AIM2: variants seen among roughly 807,000 people sequenced by gnomAD.
AIM2 encodes interferon-inducible protein AIM2.
AIM2 carries 30 observed loss-of-function variants against 27.7 expected under a neutral mutation model. The observed-to-expected ratio is 1.08, with a 90% CI of 0.81 to 1.47. The LOEUF is 1.47. AIM2 is among the 40% of genes most tolerant of loss of function. AIM2 has a pLI of 0.00. For missense variants in AIM2, 358 were observed against 411.3 expected (o/e 0.87, Z 1.12); for synonymous variants, 141 against 145.3 (o/e 0.97, Z 0.21).
At chr1:159,098,222 T>G (rs1657220698) in intron 1 of AIM2, among the ~76,000 whole-genome samples, 1 of 152,082 alleles carries the variant, frequency 6.6e-6, no homozygotes, top group African/African-American at 2.4e-5. Context: ...AGACACACAA[T>G]CTACAGATTA....
chr1:159,105,918 G>T (rs149252621), intron 1 of AIM2, among the ~76,000 whole-genome samples: 1 of 152,108 alleles, frequency 6.6e-6, no homozygotes, highest in Admixed American at 6.5e-5. Context: ...GCCATCCTTG[G>T]TTTGAAGATG....
intron 1 of AIM2, among the ~76,000 whole-genome samples, chr1:159,119,340 G>T (rs1187065835): frequency 6.6e-5 from 10 of 151,936 alleles, no homozygotes; most frequent in Admixed American, 6.6e-4. Flanking sequence ...TAAGGAGTTG[G>T]TGTACTAATA....
chr1:159,102,923 C>T (rs774116480), intron 1 of AIM2, among the ~76,000 whole-genome samples: 1 of 152,094 alleles, frequency 6.6e-6, no homozygotes, highest in Non-Finnish European at 1.5e-5. Flanking sequence ...TGAGTTAAGA[C>T]TTTGGGGGAC....
upstream of AIM2, among the ~76,000 whole-genome samples, chr1:159,077,797 T>C (rs775587191): frequency 1.3e-5 from 2 of 152,138 alleles, no homozygotes; most frequent in Non-Finnish European, 2.9e-5. Context: ...TTACTTGAGG[T>C]TTTCCTTTCT....
At chr1:159,109,707 A>G (rs1657525160) in intron 1 of AIM2, among the ~76,000 whole-genome samples, 1 of 150,676 alleles carries the variant, frequency 6.6e-6, no homozygotes. Flanking sequence ...ACTCAAACAA[A>G]TCAACAAGAA....
chr1:159,145,106 A>T (rs1340927115), upstream of AIM2, among the ~76,000 whole-genome samples: 1 of 152,128 alleles, frequency 6.6e-6, no homozygotes, highest in Non-Finnish European at 1.5e-5. Flanking sequence ...CTAAGGAGCT[A>T]GCCCAGGTCT....
chr1:159,066,609 T>C (rs1656113873), intron 3 of AIM2, among the ~76,000 whole-genome samples: 1 of 152,220 alleles, frequency 6.6e-6, no homozygotes, highest in Non-Finnish European at 1.5e-5. Flanking sequence ...CCATGTACTA[T>C]ATATAAAGAC....
Position 159,063,531 on chromosome 1 carries a change from A to AT in AIM2, c.959dup (p.Asn320LysfsTer13), listed in dbSNP as rs752653022. Reference sequence around the variant, plus strand: ...CAGATGTCAGCTGTAGTTTTTCTCCATTTTTTGACAGTGTGAAGAATGTAA... The same window carrying AT: ...CAGATGTCAGCTGTAGTTTTTCTCCATTTTTTTGACAGTGTGAAGAATGTAA... On this transcript the variant is annotated frameshift_variant, in exon 5 of 6. Coordinates refer to ENST00000368130, the MANE Select transcript of AIM2 (RefSeq NM_004833.3). LOFTEE classifies it low-confidence loss of function (END_TRUNC). 6.2e-7 allele frequency: 1 copy of AT among 1,613,908 alleles called. No individual in the cohort carries two copies. Among genetic ancestry groups the AT allele is most frequent in the Admixed American group, 1.7e-5 (1 of 59,972 alleles).
chr1:159,088,375 C>A (rs1029766778), intron 1 of AIM2, among the ~76,000 whole-genome samples: 1 of 152,050 alleles, frequency 6.6e-6, no homozygotes, highest in African/African-American at 2.4e-5. Context: ...TCAGCTGGGC[C>A]CGATGTTTGC....
chr1:159,075,400 C>G (rs1380142109), intron 1 of AIM2, among the ~76,000 whole-genome samples: 1 of 149,610 alleles, frequency 6.7e-6, no homozygotes, highest in African/African-American at 2.5e-5. Flanking sequence ...AAAGGACAAG[C>G]CAGAAAAAAA....
intron 1 of AIM2, among the ~76,000 whole-genome samples, chr1:159,102,876 G>A (rs1657346760): frequency 6.6e-6 from 1 of 152,172 alleles, no homozygotes; most frequent in South Asian, 2.1e-4. Flanking sequence ...TATCTCAGAC[G>A]AGACTTTGGA....
chr1:159,136,972 T>G (rs1283439928), intron 1 of AIM2, among the ~76,000 whole-genome samples: 1 of 152,172 alleles, frequency 6.6e-6, no homozygotes, highest in African/African-American at 2.4e-5. Context: ...TCTAAAGGCT[T>G]TGGGCCCAGG....
At chr1:159,070,411 T>C (rs532376271) in intron 2 of AIM2, among the ~76,000 whole-genome samples, 50 of 152,318 alleles carry the variant, frequency 3.3e-4, no homozygotes, top group African/African-American at 1.2e-3. Context: ...TCGTATACTC[T>C]GGCTGGGCTC....
chr1:159,056,735 A>AC, the AIM2 span, among the ~76,000 whole-genome samples: 19 of 149,352 alleles, frequency 1.3e-4, no homozygotes, highest in Non-Finnish European at 2.5e-4. Flanking sequence ...AAAAAAAAAA[A>AC]AAAAAAAAAA....
At chr1:159,081,723 C>T (rs1252251946), upstream of AIM2, 1 of 218,280 alleles carries the variant, frequency 4.6e-6, no homozygotes, top group African/African-American at 2.4e-5. Flanking sequence ...TAAAAAAAGT[C>T]TAAAAGGACA....
intron 1 of AIM2, among the ~76,000 whole-genome samples, chr1:159,105,092 G>A (rs778667239): frequency 1.4e-4 from 22 of 152,228 alleles, no homozygotes; most frequent in Non-Finnish European, 2.2e-4. Flanking sequence ...TGCCTGCCAA[G>A]GGTGAGCCAG....
chr1:159,109,712 C>T (rs1299449957), intron 1 of AIM2, among the ~76,000 whole-genome samples: 1 of 149,058 alleles, frequency 6.7e-6, no homozygotes, highest in Non-Finnish European at 1.5e-5. Flanking sequence ...AACAAATCAA[C>T]AAGAAAAAAA....
chr1:159,106,273 T>C (rs1198215776), intron 1 of AIM2, among the ~76,000 whole-genome samples: 1 of 152,214 alleles, frequency 6.6e-6, no homozygotes, highest in East Asian at 1.9e-4. Flanking sequence ...CACCTGTTCC[T>C]GGCTCCCACA....
At chr1:159,118,544 G>C (rs1894044) in intron 1 of AIM2, among the ~76,000 whole-genome samples, 74,765 of 151,994 alleles carry the variant, frequency 0.49, 21,792 homozygotes, top group Admixed American at 0.65. Context: ...CATGATGACA[G>C]TTTTATTTTA....
Sources: allele counts gnomAD v4.1 joint callset (sites outside exome capture counted in the v4.1 genomes callset), GRCh38; gene constraint gnomAD v4.1.1; transcripts MANE v1.5; gene names NCBI Gene and HGNC (gene_info 2026-07-23, HGNC 2026-07-21).